Variants in GLYATL1 observed in about 807,000 individuals in gnomAD.
The protein encoded by GLYATL1 is glycine N-acyltransferase-like protein 1.
In GLYATL1, 15 loss-of-function variants were observed where a neutral mutation model predicts 20.0. That is an observed-to-expected ratio of 0.75 (90% confidence interval 0.50 to 1.15). The LOEUF (loss-of-function observed/expected upper bound fraction) is 1.15. Ranked by LOEUF, GLYATL1 falls within the 50% of genes most tolerant of loss-of-function variation. The pLI is 0.00. For missense variants in GLYATL1, 380 were observed against 368.5 expected (o/e 1.03, Z -0.26); for synonymous variants, 151 against 131.5 (o/e 1.15, Z -1.01).
intron 4 of GLYATL1, among the ~76,000 whole-genome samples, chr11:58,952,608 A>C (rs1017154428): frequency 1.3e-5 from 2 of 152,170 alleles, no homozygotes; most frequent in Non-Finnish European, 2.9e-5. Context: ...GATTTGTTAC[A>C]TGGGAAGATT....
At chr11:58,906,878 G>C (rs1281711849) in intron 1 of GLYATL1, among the ~76,000 whole-genome samples, 2 of 152,286 alleles carry the variant, frequency 1.3e-5, no homozygotes, top group Non-Finnish European at 1.5e-5. Flanking sequence ...TGAGGCGGGG[G>C]TTGTGGGATG....
intron 1 of GLYATL1, among the ~76,000 whole-genome samples, chr11:58,920,722 C>T (rs547937529): frequency 1.3e-5 from 2 of 152,140 alleles, no homozygotes; most frequent in Non-Finnish European, 1.5e-5. Flanking sequence ...CCCTTGGTAT[C>T]GAGTCATTTT....
downstream of GLYATL1, among the ~76,000 whole-genome samples, chr11:58,912,886 GT>G (rs1855084812): frequency 6.6e-6 from 1 of 152,168 alleles, no homozygotes; most frequent in South Asian, 2.1e-4. Context: ...AAATAGAAAA[GT>G]TTTGCTAGTG....
chr11:58,943,636 A>G lies in GLYATL1; in HGVS notation c.-73A>G, dbSNP rs147694696. On this transcript the variant is annotated 5_prime_UTR_variant, in exon 2 of 7. Transcript: ENST00000532726. ...GTACCTGCAGGATCCAATTGTGTCC[A>G]TTGATCTCTCAGAGTGGCTGAGGAT... The G allele has an allele frequency of 2.8e-4, 459 of 1,613,534 alleles. 2 individuals are homozygous for G. Among genetic ancestry groups the G allele is most frequent in the South Asian group, 1.6e-3 (149 of 91,066 alleles).
chr11:58,920,534 C>CAA (rs1353526126), intron 1 of GLYATL1, among the ~76,000 whole-genome samples: 1 of 152,128 alleles, frequency 6.6e-6, no homozygotes, highest in Non-Finnish European at 1.5e-5. Context: ...GTAAAATACT[C>CAA]AATGTCCGGG....
At position 58,955,928 on chromosome 11, in the gene GLYATL1, T is replaced by C. The variant is rs769944162; in HGVS notation, c.810T>C (p.Asn270=). The C allele has an allele frequency of 3.7e-6, 6 of 1,614,152 alleles. 1 individual carries two copies. The highest frequency in any genetic ancestry group is 3.3e-5 in the Admixed American group (2 of 60,022). The change falls in exon 7 of 7, where the codon AAT becomes AAC. Residue 270 remains asparagine (N), a synonymous_variant. Transcript: ENST00000532726. The part of the protein sequence containing the change: ...IPFYISVLEE[N]EDSRRFVGQF... Reference sequence around the variant, plus strand: ...TTTACATCTCTGTGTTGGAAGAAAATGAAGACTCCCGCAGATTTGTGGGGC... The same window carrying C: ...TTTACATCTCTGTGTTGGAAGAAAACGAAGACTCCCGCAGATTTGTGGGGC...
chr11:58,928,275 T>C (rs995499114), intron 1 of GLYATL1: 3 of 152,184 alleles, frequency 2.0e-5, no homozygotes, highest in African/African-American at 7.2e-5. Context: ...GAACCAACTT[T>C]CCCCAGAACT....
intron 3 of GLYATL1, 42 bp from the exon 4 acceptor site, chr11:58,947,816 G>A (rs754717789): frequency 1.5e-6 from 2 of 1,328,662 alleles, no homozygotes; most frequent in East Asian, 2.3e-5. Context: ...CCTCATCTCT[G>A]GGGATCTCAA....
intron 1 of GLYATL1, among the ~76,000 whole-genome samples, chr11:58,919,439 A>G (rs1855256830): frequency 6.6e-6 from 1 of 152,210 alleles, no homozygotes; most frequent in Non-Finnish European, 1.5e-5. Context: ...TGTGGCCGGT[A>G]GGCTGTGTGT....
chr11:58,947,803 G>C, intron 3 of GLYATL1, 55 bp from the exon 4 acceptor site: 1 of 1,198,744 alleles, frequency 8.3e-7, no homozygotes, highest in Non-Finnish European at 1.2e-6. Flanking sequence ...TTCACAACCA[G>C]ATCCTCATCT....
chr11:58,940,451 G>A (rs1856057656), intron 1 of GLYATL1, among the ~76,000 whole-genome samples: 1 of 152,058 alleles, frequency 6.6e-6, no homozygotes, highest in Non-Finnish European at 1.5e-5. Context: ...TGTGTCTTTG[G>A]GTGTATGTAT....
At chr11:58,948,656 CAAA>C (rs35288916) in intron 4 of GLYATL1, among the ~76,000 whole-genome samples, 1 of 148,198 alleles carries the variant, frequency 6.7e-6, no homozygotes, top group Admixed American at 6.7e-5. Flanking sequence ...TTTTGTTTTT[CAAA>C]AAAAAAAGTT....
At chr11:58,937,313 G>T (rs1414571409), upstream of GLYATL1, among the ~76,000 whole-genome samples, 1 of 152,208 alleles carries the variant, frequency 6.6e-6, no homozygotes, top group Non-Finnish European at 1.5e-5. Flanking sequence ...GGACCTTCAG[G>T]AGGAACTTCA....
chr11:58,907,425 T>C, exon 2 of GLYATL1: 1 of 456,014 alleles, frequency 2.2e-6, no homozygotes, highest in Non-Finnish European at 4.4e-6. Flanking sequence ...CATCTTTAAT[T>C]GCATGATGTC....
chr11:58,905,795 G>T (rs1226163278), intron 1 of GLYATL1: 7 of 384,512 alleles, frequency 1.8e-5, no homozygotes, highest in Non-Finnish European at 3.7e-5. Flanking sequence ...TGACCCGCCC[G>T]CGAGCGCGTG....
exon 1 of GLYATL1, chr11:58,905,500 G>T (rs773821426): frequency 2.2e-6 from 1 of 456,272 alleles, no homozygotes; most frequent in Non-Finnish European, 4.4e-6. Flanking sequence ...TCTCCTCAGC[G>T]CGCTGCTCCC....
At position 58,947,886 on chromosome 11, in the gene GLYATL1, A is replaced by G. The variant is rs1856691878; in HGVS notation, c.107A>G (p.His36Arg). 6.2e-7 allele frequency: 1 copy of G among 1,613,514 alleles called. No homozygotes were observed. Among genetic ancestry groups the G allele is most frequent in the South Asian group, 1.1e-5 (1 of 91,070 alleles). The change falls in exon 4 of 7, where the codon CAC (histidine) becomes CGC (arginine). Residue 36 changes from histidine (H) to arginine (R), a missense_variant. By Grantham distance (29) the His-to-Arg change is conservative. Coordinates refer to ENST00000532726, the MANE Select transcript of GLYATL1 (RefSeq NM_001389712.2). ...KVYGSVYHIN[H>R]GNPFNMEVLV... ...TATGGCTCTGTGTATCACATCAATC[A>G]CGGGAACCCCTTCAACATGGAGGTG...
intron 4 of GLYATL1, among the ~76,000 whole-genome samples, chr11:58,954,368 C>A (rs978242993): frequency 2.6e-5 from 4 of 152,066 alleles, no homozygotes; most frequent in Admixed American, 2.6e-4. Flanking sequence ...GTAAGAGAAG[C>A]AGGGAGAGAA....
At chr11:58,909,088 A>T (rs183490841), downstream of GLYATL1, among the ~76,000 whole-genome samples, 468 of 152,330 alleles carry the variant, frequency 3.1e-3, 2 homozygotes, top group Non-Finnish European at 5.0e-3. Context: ...TACTAAATTG[A>T]GACATAAACA....
Sources: allele counts gnomAD v4.1 joint callset (sites outside exome capture counted in the v4.1 genomes callset), GRCh38; gene constraint gnomAD v4.1.1; transcripts MANE v1.5; gene names NCBI Gene and HGNC (gene_info 2026-07-23, HGNC 2026-07-21).